The following MYO16 variants were observed in gnomAD, a reference collection of about 807,000 sequenced individuals.
The protein encoded by MYO16 is myosin XVI.
Under a neutral mutation model 205.3 loss-of-function variants are expected in MYO16, and 94 were observed. The ratio of observed to expected loss-of-function variants is 0.46; its 90% confidence interval spans 0.39 to 0.54. MYO16 has a LOEUF of 0.54. MYO16 is among the 20% of genes least tolerant of loss of function. The pLI is 0.00. For synonymous variants in MYO16, 988 were observed against 954.0 expected (o/e 1.04, Z -0.66); for missense variants, 2,315 against 2,387.5 (o/e 0.97, Z 0.63).
At chr13:108,654,460 T>C (rs577393088) in intron 1 of MYO16, among the ~76,000 whole-genome samples, 52 of 152,336 alleles carry the variant, frequency 3.4e-4, no homozygotes, top group African/African-American at 1.2e-3. Context: ...TCCCCAGCCA[T>C]GTGGAATTGT....
the MYO16 span, among the ~76,000 whole-genome samples, chr13:108,569,112 T>C: frequency 6.6e-6 from 1 of 152,166 alleles, no homozygotes; most frequent in Non-Finnish European, 1.5e-5. Flanking sequence ...TCCAACATTG[T>C]TGTTACTTTC....
intron 34 of MYO16, among the ~76,000 whole-genome samples, chr13:109,205,674 C>A (rs1880569128): frequency 6.6e-6 from 1 of 152,066 alleles, no homozygotes; most frequent in East Asian, 1.9e-4. Context: ...TGGCGGCTGG[C>A]AGAAGAAGGG....
At chr13:109,077,082 C>G (rs1478232914) in intron 27 of MYO16, among the ~76,000 whole-genome samples, 1 of 150,826 alleles carries the variant, frequency 6.6e-6, no homozygotes, top group African/African-American at 2.4e-5. Flanking sequence ...TATGGTGGCA[C>G]AATCTCGGCT....
intron 34 of MYO16, among the ~76,000 whole-genome samples, chr13:109,185,424 T>C (rs1169273507): frequency 6.6e-6 from 1 of 152,160 alleles, no homozygotes; most frequent in Non-Finnish European, 1.5e-5. Context: ...AAAAGCTTAC[T>C]TGCTCTTGTT....
chr13:108,915,124 C>T (rs13378640), intron 16 of MYO16, among the ~76,000 whole-genome samples: 2,950 of 152,264 alleles, frequency 0.019, 85 homozygotes, highest in African/African-American at 0.066. Context: ...GCAGATAGGA[C>T]GTGTGCCTAA....
chr13:108,986,088 TA>T (rs1203832241), intron 20 of MYO16, among the ~76,000 whole-genome samples: 1 of 152,148 alleles, frequency 6.6e-6, no homozygotes, highest in Admixed American at 6.6e-5. Context: ...CCACCTTTTA[TA>T]AAACCATCAG....
chr13:108,551,599 T>G, the MYO16 span, among the ~76,000 whole-genome samples: 467 of 152,314 alleles, frequency 3.1e-3, 7 homozygotes, highest in South Asian at 0.049. Flanking sequence ...ATTATCGCAG[T>G]AATTCCAGAA....
chr13:108,823,230 A>C lies in MYO16; in HGVS notation c.1049A>C (p.Glu350Ala), dbSNP rs1425007215. The change falls in exon 9 of 35, where the codon GAG becomes GCG. Residue 350 changes from glutamate (E) to alanine (A), a missense_variant. Physicochemically the swap from Glu to Ala is moderately radical, Grantham distance 107 (BLOSUM62 -1). Coordinates refer to ENST00000457511, the MANE Select transcript of MYO16 (RefSeq NM_001198950.3). ...TCTGCTTCTACCTTAGCTCAAGAAG[A>C]GCCCTATGAAGAGATCATTCACGAT... ...PLSASTLAQE[E>A]PYEEIIHDLP... The C allele has an allele frequency of 1.9e-6, 3 of 1,612,954 alleles. No homozygotes were observed. Among genetic ancestry groups the C allele is most frequent in the East Asian group, 2.2e-5 (1 of 44,844 alleles).
Position 109,055,132 on chromosome 13 carries a change from T to A in MYO16, c.3129+6T>A. On this transcript the variant is annotated splice_donor_region_variant and intron_variant, in intron 26 of 34. Transcript: ENST00000457511. The surrounding 1 kb of genome is among the most constrained non-coding windows in gnomAD (Gnocchi z 5.0). ...CCATAGCATCACAACTCAGGGTTAGTGACGTTTTCAGATTTCAAAAACTTA... is the reference window on the plus strand; with the variant it reads ...CCATAGCATCACAACTCAGGGTTAGAGACGTTTTCAGATTTCAAAAACTTA... The A allele has an allele frequency of 1.3e-6, 2 of 1,564,714 alleles. No individual in the cohort carries two copies. The highest frequency in any genetic ancestry group is 1.7e-6 in the Non-Finnish European group (2 of 1,158,512).
chr13:108,722,087 C>T (rs961581702), intron 3 of MYO16, among the ~76,000 whole-genome samples: 1 of 152,162 alleles, frequency 6.6e-6, no homozygotes, highest in Non-Finnish European at 1.5e-5. Flanking sequence ...TCATTTTGCA[C>T]TGGGTCCCAC....
At chr13:108,944,805 C>T (rs935576068) in intron 16 of MYO16, among the ~76,000 whole-genome samples, 2 of 152,028 alleles carry the variant, frequency 1.3e-5, no homozygotes, top group African/African-American at 4.8e-5. Context: ...CCTTATAACA[C>T]TTTTATTAGT....
At chr13:108,627,769 T>C (rs1343040637), upstream of MYO16, among the ~76,000 whole-genome samples, 2 of 152,316 alleles carry the variant, frequency 1.3e-5, no homozygotes, top group East Asian at 3.9e-4. Flanking sequence ...TATGCTTTTT[T>C]TCAGTTTAAA....
At chr13:108,737,319 C>A (rs1388098201) in intron 4 of MYO16, among the ~76,000 whole-genome samples, 2 of 152,090 alleles carry the variant, frequency 1.3e-5, no homozygotes, top group Non-Finnish European at 2.9e-5. Flanking sequence ...CCCATCAATA[C>A]CTAATTTATT....
intron 5 of MYO16, among the ~76,000 whole-genome samples, chr13:108,787,431 T>C (rs958830248): frequency 6.6e-6 from 1 of 152,254 alleles, no homozygotes; most frequent in Non-Finnish European, 1.5e-5. Flanking sequence ...GTTCTGAATT[T>C]TTAAAAGCTA....
chr13:108,879,645 AATG>A (rs757843062), intron 12 of MYO16, among the ~76,000 whole-genome samples: 1 of 152,172 alleles, frequency 6.6e-6, no homozygotes. Flanking sequence ...GTTTGCTCAG[AATG>A]ATGGTTTCCA....
intron 16 of MYO16, among the ~76,000 whole-genome samples, chr13:108,925,390 A>T (rs1055176505): frequency 1.3e-5 from 2 of 152,122 alleles, no homozygotes; most frequent in Middle Eastern, 3.2e-3. Flanking sequence ...CCTTTTACTT[A>T]CTTGTTGGTA....
chr13:108,766,718 C>A (rs902838869), intron 4 of MYO16, among the ~76,000 whole-genome samples: 1 of 152,160 alleles, frequency 6.6e-6, no homozygotes, highest in Admixed American at 6.5e-5. Flanking sequence ...TATTCATTTT[C>A]AGTCATTTTC....
the MYO16 span, among the ~76,000 whole-genome samples, chr13:108,585,906 G>A: frequency 0.027 from 4,066 of 152,114 alleles, 175 homozygotes; most frequent in African/African-American, 0.091. Context: ...GAAATTGAAG[G>A]ATGGAGAAAT....
At chr13:108,959,060 T>C (rs7320985) in intron 17 of MYO16, among the ~76,000 whole-genome samples, 8,967 of 151,876 alleles carry the variant, frequency 0.059, 799 homozygotes, top group African/African-American at 0.2. Flanking sequence ...GGTGGAGAGG[T>C]CCACAGGAGG....
Sources: allele counts gnomAD v4.1 joint callset (sites outside exome capture counted in the v4.1 genomes callset), GRCh38; gene constraint gnomAD v4.1.1; non-coding constraint Gnocchi (gnomAD v3.1); transcripts MANE v1.5; gene names NCBI Gene and HGNC (gene_info 2026-07-23, HGNC 2026-07-21).